ABCA1: variants seen among roughly 807,000 people sequenced by gnomAD.
ABCA1 encodes the protein phospholipid-transporting ATPase ABCA1.
ABCA1 carries 133 observed loss-of-function variants against 262.5 expected under a neutral mutation model. The ratio of observed to expected loss-of-function variants is 0.51; its 90% confidence interval spans 0.44 to 0.59. ABCA1 has a LOEUF of 0.59. Among genes scored for constraint, ABCA1 ranks in the 20% least tolerant of loss-of-function variants. The pLI is 0.00. For synonymous variants in ABCA1, 1,022 were observed against 1,043.5 expected, an observed-to-expected ratio of 0.98 and a Z score of 0.40; for missense variants, 2,452 against 2,777.5, an observed-to-expected ratio of 0.88 and a Z score of 2.63.
intron 46 of ABCA1, among the ~76,000 whole-genome samples, chr9:104,787,409 A>G (rs1283043271): frequency 1.3e-5 from 2 of 151,890 alleles, no homozygotes; most frequent in Non-Finnish European, 2.9e-5. Flanking sequence ...TGTTAGCCTT[A>G]CAGAAACAAA....
At chr9:104,844,355 A>C (rs1834669027) in intron 8 of ABCA1, among the ~76,000 whole-genome samples, 1 of 144,270 alleles carries the variant, frequency 6.9e-6, no homozygotes, top group African/African-American at 2.4e-5. Flanking sequence ...GGCAAGCTGA[A>C]AGAAGGCTTC....
Position 104,817,881 on chromosome 9 carries a change from G to C in ABCA1, c.3463-477C>G, listed in dbSNP as rs1230740430. On this transcript the variant is annotated intron_variant, in intron 23 of 49. Transcript: ENST00000374736. This position sits in a 1 kb window ranked among gnomAD's most constrained non-coding sequence, Gnocchi z 4.7. Reference sequence around the variant, plus strand: ...CTGCTGGTCCTCAGACTGCACTTGAGTTAAGAGGCTCATTAAAAGGTAAAT... The same window carrying C: ...CTGCTGGTCCTCAGACTGCACTTGACTTAAGAGGCTCATTAAAAGGTAAAT... Among the ~76,000 whole-genome samples the C allele has an allele frequency of 6.6e-6, 1 of 152,256 alleles. No individual in the cohort carries two copies. The highest frequency in any genetic ancestry group is 2.4e-5 in the African/African-American group (1 of 41,468).
At chr9:104,858,968 G>A (rs150199906) in intron 6 of ABCA1, among the ~76,000 whole-genome samples, 1 of 152,242 alleles carries the variant, frequency 6.6e-6, no homozygotes, top group Non-Finnish European at 1.5e-5. Flanking sequence ...GAAAAATCCA[G>A]AGTCCAACTC....
intron 8 of ABCA1, among the ~76,000 whole-genome samples, chr9:104,843,601 C>T (rs559738922): frequency 2.0e-5 from 3 of 152,282 alleles, no homozygotes; most frequent in Middle Eastern, 3.4e-3. Flanking sequence ...TTGGTGCCAT[C>T]TGCAAAATGG....
At position 104,861,728 on chromosome 9, in the gene ABCA1, G is replaced by C; in HGVS notation, c.494C>G (p.Pro165Arg). The C allele has an allele frequency of 6.2e-7, 1 of 1,613,972 alleles. No homozygotes were observed. Among genetic ancestry groups the C allele is most frequent in the Non-Finnish European group, 8.5e-7 (1 of 1,179,962 alleles). The part of the protein sequence containing the change: ...SGFLYHNLSL[P>R]KSTVDKMLRA... The stretch of plus-strand genomic sequence containing the variant: ...CAGCATCTTGTCCACAGTAGACTTT[G>C]GGAGAGAGAGGTTGTGATACAGGAA... Residue 165 changes from proline to arginine, a missense_variant, in exon 6 of 50, where the codon CCA (proline) becomes CGA (arginine). Physicochemically the swap from Pro to Arg is moderately radical, Grantham distance 103. Transcript: ENST00000374736.
rs138487227 is a variant in ABCA1 at position 104,837,090 on chromosome 9, T to G, written c.1201A>C (p.Lys401Gln). ...AACACAGCCAGTTCCTGGAAGGTCT[T>G]GTTCACCTGGAGTCAGGTGGGGAGC... ...ATRQVMAEVN[K>Q]TFQELAVFHD... is the part of the protein sequence containing the mutation. The change falls in exon 11 of 50, where the codon AAG becomes CAG. Residue 401 changes from lysine (K) to glutamine (Q), a missense_variant. This residue lies in a region of ABCA1 where 1,032 missense variants were observed against 1,089.7 expected (regional missense o/e 0.95). Coordinates refer to ENST00000374736, the MANE Select transcript of ABCA1 (RefSeq NM_005502.4). The G allele has an allele frequency of 7.6e-5, 123 of 1,612,890 alleles. No homozygotes were observed. The highest frequency in any genetic ancestry group is 1.0e-4 in the Non-Finnish European group (120 of 1,179,838).
chr9:104,825,801 G>A lies in ABCA1; in HGVS notation c.2424C>T (p.Asn808=). 1 of 1,614,166 alleles carries A rather than the reference G, an allele frequency of 6.2e-7. No individual in the cohort carries two copies. Among genetic ancestry groups the A allele is most frequent in the Non-Finnish European group, 8.5e-7 (1 of 1,180,034 alleles). ...CTTCCTCCACAGGACTCTCAAACAG[G>A]TTGTCCCACTGCACTCCAATGCCCT... ...EEQGIGVQWD[N]LFESPVEEDG... The change falls in exon 17 of 50, where the codon AAC becomes AAT. Residue 808 remains asparagine (N), a synonymous_variant. Transcript: ENST00000374736.
chr9:104,887,086 T>G (rs1280540068), intron 3 of ABCA1, among the ~76,000 whole-genome samples: 1 of 152,164 alleles, frequency 6.6e-6, no homozygotes, highest in African/African-American at 2.4e-5. Flanking sequence ...GAGACCAGTG[T>G]GGTCAACATG....
At chr9:104,908,858 G>A (rs1841327539) in intron 1 of ABCA1, among the ~76,000 whole-genome samples, 1 of 152,186 alleles carries the variant, frequency 6.6e-6, no homozygotes, top group African/African-American at 2.4e-5. Context: ...AGAAATCACT[G>A]CAGTGGTGAC....
chr9:104,807,998 A>T (rs1830941070), intron 30 of ABCA1, among the ~76,000 whole-genome samples: 1 of 152,036 alleles, frequency 6.6e-6, no homozygotes, highest in Non-Finnish European at 1.5e-5. Context: ...AACTGACCAG[A>T]AAAGTCACAC....
Position 104,810,672 on chromosome 9 carries a change from A to G in ABCA1, c.4175+128T>C, listed in dbSNP as rs41335545. ...CTATGCATGCAGTATTAGCTTATACAGGGACCTGAGCCGCAGCAGTAAAAT... is the reference window on the plus strand; with the variant it reads ...CTATGCATGCAGTATTAGCTTATACGGGGACCTGAGCCGCAGCAGTAAAAT... On this transcript the variant is annotated intron_variant, in intron 29 of 49. Coordinates refer to ENST00000374736, the MANE Select transcript of ABCA1 (RefSeq NM_005502.4). The G allele has an allele frequency of 1.8e-4, 259 of 1,437,738 alleles. 1 individual carries two copies. The African/African-American group carries it at 3.3e-3, about 18-fold the overall frequency. The allele number at this position is 1,437,738 out of a possible 1,614,324, so 89.1% of individuals were successfully genotyped here.
At chr9:104,861,336 C>A in intron 6 of ABCA1, 1 of 463,314 alleles carries the variant, frequency 2.2e-6, no homozygotes, top group Non-Finnish European at 3.9e-6. Context: ...GATCAATAAC[C>A]CTTAACCACG....
intron 19 of ABCA1, 97 bp downstream of exon 19, chr9:104,822,399 G>A (rs1832444044): frequency 6.6e-7 from 1 of 1,510,678 alleles, no homozygotes; most frequent in African/African-American, 1.4e-5. Context: ...CCTTCCCTTG[G>A]CCCAGGGATC....
At chr9:104,812,489 C>G in intron 28 of ABCA1, 85 bp downstream of exon 28, 1 of 1,560,448 alleles carries the variant, frequency 6.4e-7, no homozygotes, top group Non-Finnish European at 8.8e-7. Flanking sequence ...ATATCTTGAC[C>G]AGGATGCTAT....
chr9:104,855,066 C>T, intron 7 of ABCA1: 1 of 759,330 alleles, frequency 1.3e-6, no homozygotes, highest in Non-Finnish European at 1.6e-6. Flanking sequence ...CGGACTGAGA[C>T]ATAAATAAGA....
At chr9:104,925,370 C>A (rs1826234661) in intron 1 of ABCA1, among the ~76,000 whole-genome samples, 1 of 100,686 alleles carries the variant, frequency 9.9e-6, no homozygotes, top group African/African-American at 3.0e-5. Context: ...AGCGAGACTG[C>A]ATCTCAAAAA....
In ABCA1 at chr9:104,831,623, C is replaced by T. The variant is rs1288470710; in HGVS notation, c.1714G>A (p.Gly572Arg). The T allele has an allele frequency of 6.2e-7, 1 of 1,612,744 alleles. No individual in the cohort carries two copies. ...NVERTNKIKDGYWDPGPRADP... is the reference protein window; with the variant it reads ...NVERTNKIKDRYWDPGPRADP... ...CTGGTGTGATGGGATTCCACTTACC[C>T]ATCCTTGATTTTATTTGTCCTCTCC... is the stretch of plus-strand genomic sequence containing the variant. Residue 572 changes from glycine (G) to arginine (R), a missense_variant and splice_region_variant, in exon 13 of 50, where the codon GGG becomes AGG. Gly to Arg is a moderately radical substitution (Grantham distance 125). Coordinates refer to ENST00000374736, the MANE Select transcript of ABCA1 (RefSeq NM_005502.4).
chr9:104,856,066 A>G (rs1835810890), intron 7 of ABCA1: 2 of 1,601,174 alleles, frequency 1.2e-6, no homozygotes, highest in South Asian at 1.1e-5. Context: ...CCCATGTGCA[A>G]TGTCATCACA....
intron 46 of ABCA1, 30 bp downstream of exon 46, chr9:104,787,887 GAAC>G (rs1321713183): frequency 1.2e-6 from 2 of 1,613,766 alleles, no homozygotes; most frequent in Admixed American, 3.3e-5. Context: ...ACTCAGGCCA[GAAC>G]AACAGTTTTC....
Sources: gnomAD v4.1 joint callset for allele counts (sites outside exome capture counted in the v4.1 genomes callset) on GRCh38, gnomAD v4.1.1 for gene constraint, gnomAD v4.1.1 regional missense constraint, Gnocchi (gnomAD v3.1) non-coding constraint, MANE v1.5 for transcripts, NCBI Gene and HGNC (gene_info 2026-07-23, HGNC 2026-07-21) for gene names.